The following RBPJ variants were observed in gnomAD, a reference collection of about 807,000 sequenced individuals.
The protein encoded by RBPJ is recombining binding protein suppressor of hairless.
A neutral mutation model predicts 67.8 loss-of-function variants in RBPJ; 9 were observed. The ratio of observed to expected loss-of-function variants is 0.13; its 90% CI spans 0.08 to 0.23. The LOEUF (loss-of-function observed/expected upper bound fraction) is 0.23, where lower values mean the gene tolerates loss of function less well. Ranked by LOEUF, RBPJ falls within the 10% of genes least tolerant of loss-of-function variation. The pLI, the probability that RBPJ is intolerant of heterozygous loss-of-function variation, is 1.00. For synonymous variants in RBPJ, 198 were observed against 203.3 expected (o/e 0.97, Z 0.22); for missense variants, 305 against 595.6 (o/e 0.51, Z 5.08).
intron 1 of RBPJ, among the ~76,000 whole-genome samples, chr4:26,280,542 T>C (rs1024307840): frequency 6.6e-6 from 1 of 152,166 alleles, no homozygotes; most frequent in Non-Finnish European, 1.5e-5. Flanking sequence ...CTTAGGAGCT[T>C]TGCAAACATT....
At chr4:26,160,140 G>A (rs757709668), upstream of RBPJ, among the ~76,000 whole-genome samples, 156 of 151,924 alleles carry the variant, frequency 1.0e-3, no homozygotes, top group Non-Finnish European at 2.0e-3. Flanking sequence ...GGGTGGTCTC[G>A]ATCTCCTGAT....
chr4:26,198,609 T>A (rs1717870002), intron 1 of RBPJ, among the ~76,000 whole-genome samples: 1 of 152,212 alleles, frequency 6.6e-6, no homozygotes, highest in South Asian at 2.1e-4. Context: ...ACAATCCTAA[T>A]GACAGAGGAA....
intron 2 of RBPJ, among the ~76,000 whole-genome samples, chr4:26,397,294 A>G (rs1303324666): frequency 6.6e-6 from 1 of 152,116 alleles, no homozygotes; most frequent in Non-Finnish European, 1.5e-5. Flanking sequence ...CAGTTCTTCA[A>G]GGTTTTGTGG....
intron 1 of RBPJ, among the ~76,000 whole-genome samples, chr4:26,253,516 G>T (rs2109239612): frequency 1.3e-5 from 2 of 151,012 alleles, no homozygotes; most frequent in South Asian, 4.2e-4. Flanking sequence ...TTTCACCGTT[G>T]TAGCCGGGAT....
At chr4:26,164,849 G>T (rs1196979907) in intron 1 of RBPJ, among the ~76,000 whole-genome samples, 1 of 152,186 alleles carries the variant, frequency 6.6e-6, no homozygotes, top group Non-Finnish European at 1.5e-5. Context: ...TCCAGAAGGT[G>T]TGGGGTTTTG....
intron 1 of RBPJ, among the ~76,000 whole-genome samples, chr4:26,280,567 A>G (rs1411323434): frequency 6.6e-6 from 1 of 152,136 alleles, no homozygotes; most frequent in Non-Finnish European, 1.5e-5. Flanking sequence ...TCAAATTTCA[A>G]TTTTAACTAT....
intron 4 of RBPJ, 106 bp from the exon 5 acceptor site, chr4:26,420,445 T>C: frequency 1.5e-6 from 1 of 668,304 alleles, no homozygotes; most frequent in Non-Finnish European, 2.4e-6. Context: ...CAGCTATCCC[T>C]TGGAATTGTT....
intron 1 of RBPJ, among the ~76,000 whole-genome samples, chr4:26,347,962 T>C (rs1399925059): frequency 6.6e-6 from 1 of 151,760 alleles, no homozygotes; most frequent in East Asian, 1.9e-4. Flanking sequence ...TTCTTTTTCT[T>C]TTTCTTTTTT....
the RBPJ span, among the ~76,000 whole-genome samples, chr4:26,106,557 G>A: frequency 6.6e-6 from 1 of 152,114 alleles, no homozygotes; most frequent in Admixed American, 6.5e-5. Flanking sequence ...ATTGTGGCTC[G>A]GATGGGGTAT....
chr4:26,410,037 A>C, intron 3 of RBPJ: 2 of 455,124 alleles, frequency 4.4e-6, no homozygotes, highest in Non-Finnish European at 8.8e-6. Flanking sequence ...TTTTTTAAAA[A>C]ACAGGTGTTA....
At chr4:26,211,079 G>A (rs1215801580) in intron 1 of RBPJ, among the ~76,000 whole-genome samples, 2 of 152,062 alleles carry the variant, frequency 1.3e-5, no homozygotes, top group African/African-American at 4.8e-5. Context: ...AGGGTCATTG[G>A]TGAGATTTTC....
chr4:26,432,089 C>G lies in RBPJ; in HGVS notation c.*1082C>G, dbSNP rs984860767. On this transcript the variant is annotated 3_prime_UTR_variant, in exon 11 of 11. Coordinates refer to ENST00000355476, the MANE Select transcript of RBPJ (RefSeq NM_015874.6). ...ATTTTATTTTGAACTTGGAATGTTC[C>G]CAGTGATTTCATTCAGCAGGGTATT... The G allele has an allele frequency of 2.0e-5, 3 of 152,058 alleles. No homozygotes were observed. The highest frequency in any genetic ancestry group is 4.8e-5 in the African/African-American group (2 of 41,382). 9.4% of individuals were successfully genotyped at this position (152,058 alleles called of 1,614,324 possible). A position where few individuals can be genotyped will look rare whatever the true frequency, so the allele number is the denominator to read the frequency against.
intron 1 of RBPJ, among the ~76,000 whole-genome samples, chr4:26,263,869 CT>C (rs1157940678): frequency 1.1e-3 from 144 of 131,360 alleles, no homozygotes; most frequent in Admixed American, 1.4e-3. Flanking sequence ...AGCACCCAGT[CT>C]TTTTTTTTTT....
the RBPJ span, among the ~76,000 whole-genome samples, chr4:26,124,419 T>C: frequency 7.3e-5 from 1 of 13,752 alleles, no homozygotes; most frequent in African/African-American, 2.0e-4. Context: ...TTCCATCATA[T>C]ATATATATAT....
upstream of RBPJ, among the ~76,000 whole-genome samples, chr4:26,320,314 A>G (rs887447120): frequency 6.6e-6 from 1 of 152,200 alleles, no homozygotes; most frequent in African/African-American, 2.4e-5. Flanking sequence ...ACACCCAAGG[A>G]GAACGCTAAG....
chr4:26,359,347 G>A (rs1203956496), intron 1 of RBPJ, among the ~76,000 whole-genome samples: 1 of 150,100 alleles, frequency 6.7e-6, no homozygotes, highest in Non-Finnish European at 1.5e-5. Flanking sequence ...CCATTCCCCT[G>A]TGTTGGAAAG....
chr4:26,287,604 G>T (rs187482351), intron 1 of RBPJ, among the ~76,000 whole-genome samples: 706 of 17,110 alleles, frequency 0.041, 11 homozygotes, highest in Non-Finnish European at 0.091. Flanking sequence ...GGGAGGGGAG[G>T]GGAGGGGAGG....
chr4:26,270,373 G>GA (rs1433562329), intron 1 of RBPJ, among the ~76,000 whole-genome samples: 2 of 37,856 alleles, frequency 5.3e-5, no homozygotes, highest in Middle Eastern at 0.014. Context: ...AAGAAAGAAA[G>GA]AAAGAAAGAA....
chr4:26,152,255 A>C, the RBPJ span, among the ~76,000 whole-genome samples: 1 of 152,176 alleles, frequency 6.6e-6, no homozygotes, highest in African/African-American at 2.4e-5. Context: ...GACAGAGTTG[A>C]CACATGTCTT....
Sources: gnomAD v4.1 joint callset for allele counts (sites outside exome capture counted in the v4.1 genomes callset) on GRCh38, gnomAD v4.1.1 for gene constraint, MANE v1.5 for transcripts, NCBI Gene and HGNC (gene_info 2026-07-23, HGNC 2026-07-21) for gene names.